Variants in SEMA6D observed in about 807,000 individuals in gnomAD.
SEMA6D encodes the protein semaphorin 6D.
Under a neutral mutation model 106.6 loss-of-function variants are expected in SEMA6D, and 35 were observed. The observed-to-expected ratio is 0.33, with a 90% CI of 0.25 to 0.44. SEMA6D has a LOEUF of 0.44. Among genes scored for constraint, SEMA6D ranks in the 20% least tolerant of loss-of-function variants. The pLI is 1.00. For synonymous variants in SEMA6D, 499 were observed against 487.7 expected, an observed-to-expected ratio of 1.02 and a Z score of -0.31; for missense variants, 1,185 against 1,345.9, an observed-to-expected ratio of 0.88 and a Z score of 1.87.
At chr15:47,453,344 G>A (rs886164755) in intron 2 of SEMA6D, among the ~76,000 whole-genome samples, 9 of 149,960 alleles carry the variant, frequency 6.0e-5, no homozygotes, top group Admixed American at 3.3e-4. Flanking sequence ...AATTTCTATC[G>A]CTTAAAGAAC....
intron 1 of SEMA6D, among the ~76,000 whole-genome samples, chr15:47,349,543 T>A (rs963848850): frequency 6.6e-6 from 1 of 152,124 alleles, no homozygotes; most frequent in Non-Finnish European, 1.5e-5. Flanking sequence ...GGCCTTTGTC[T>A]GATTGTTTTA....
At chr15:47,325,360 ACGAGGTTTG>A (rs1377172071) in intron 1 of SEMA6D, among the ~76,000 whole-genome samples, 14 of 151,920 alleles carry the variant, frequency 9.2e-5, no homozygotes, top group Non-Finnish European at 2.1e-4. Context: ...TTTAGTAGAG[ACGAGGTTTG>A]GTCATGTTGG....
At chr15:47,184,875 T>A (rs534187731) in intron 1 of SEMA6D, among the ~76,000 whole-genome samples, 2 of 152,326 alleles carry the variant, frequency 1.3e-5, no homozygotes, top group South Asian at 4.1e-4. Context: ...GCTGCCCCGC[T>A]TTTTTTATTT....
intron 1 of SEMA6D, among the ~76,000 whole-genome samples, chr15:47,216,285 G>A (rs2030589476): frequency 6.6e-6 from 1 of 152,120 alleles, no homozygotes; most frequent in Admixed American, 6.6e-5. Context: ...TTGACAGACT[G>A]TGGTTTTGAA....
chr15:47,646,242 T>A (rs556451061), intron 4 of SEMA6D, among the ~76,000 whole-genome samples: 2 of 152,246 alleles, frequency 1.3e-5, no homozygotes, highest in African/African-American at 4.8e-5. Context: ...TTCATTAGCA[T>A]ACAAAAGATA....
intron 1 of SEMA6D, among the ~76,000 whole-genome samples, chr15:47,193,880 G>T (rs890156256): frequency 6.6e-6 from 1 of 151,952 alleles, no homozygotes; most frequent in African/African-American, 2.4e-5. Flanking sequence ...CTCTTTAATA[G>T]ACCTTATCTC....
At chr15:47,639,141 G>C (rs1039108400) in intron 4 of SEMA6D, among the ~76,000 whole-genome samples, 2 of 152,158 alleles carry the variant, frequency 1.3e-5, no homozygotes, top group Non-Finnish European at 2.9e-5. Context: ...TCTCTTTAAA[G>C]GGATGACCAC....
At chr15:47,320,289 C>T (rs2036874290) in intron 1 of SEMA6D, among the ~76,000 whole-genome samples, 1 of 152,126 alleles carries the variant, frequency 6.6e-6, no homozygotes, top group African/African-American at 2.4e-5. Flanking sequence ...ACTACAGCAC[C>T]ATCCTCTTGG....
chr15:47,558,765 C>G (rs1201552160), intron 3 of SEMA6D, among the ~76,000 whole-genome samples: 1 of 151,802 alleles, frequency 6.6e-6, no homozygotes, highest in South Asian at 2.1e-4. Flanking sequence ...ATGGGTTTCC[C>G]TGGGGATATT....
At chr15:47,496,222 A>G (rs1321275144) in intron 3 of SEMA6D, among the ~76,000 whole-genome samples, 1 of 152,116 alleles carries the variant, frequency 6.6e-6, no homozygotes, top group Non-Finnish European at 1.5e-5. Context: ...GTGATTTTCC[A>G]TGACTTCCGT....
chr15:47,692,801 T>C (rs1183619209), intron 4 of SEMA6D, among the ~76,000 whole-genome samples: 1 of 152,160 alleles, frequency 6.6e-6, no homozygotes, highest in Non-Finnish European at 1.5e-5. Flanking sequence ...CATTCTAGTA[T>C]CTAGCAGCTC....
At chr15:47,429,236 G>T (rs1214217574) in intron 2 of SEMA6D, among the ~76,000 whole-genome samples, 1 of 152,032 alleles carries the variant, frequency 6.6e-6, no homozygotes, top group African/African-American at 2.4e-5. Flanking sequence ...CCAACTCCTG[G>T]CTCTGCTGCT....
chr15:47,244,121 AG>A (rs1450998444), intron 1 of SEMA6D, among the ~76,000 whole-genome samples: 2 of 152,092 alleles, frequency 1.3e-5, no homozygotes, highest in African/African-American at 4.8e-5. Context: ...CAGTAACCAA[AG>A]GAAAATGAAC....
chr15:47,565,880 C>A (rs2046217117), intron 3 of SEMA6D, among the ~76,000 whole-genome samples: 1 of 152,198 alleles, frequency 6.6e-6, no homozygotes, highest in South Asian at 2.1e-4. Flanking sequence ...CCCTTCACTT[C>A]TGGTGTTTCT....
intron 1 of SEMA6D, among the ~76,000 whole-genome samples, chr15:47,749,068 ATCTTTTTTTT>A (rs2081289953): frequency 1.5e-5 from 2 of 132,048 alleles, no homozygotes; most frequent in Non-Finnish European, 3.1e-5. Context: ...ATAGTTGTAA[ATCTTTTTTTT>A]TCTTTTTTTT....
intron 1 of SEMA6D, among the ~76,000 whole-genome samples, chr15:47,315,191 TAGG>T (rs1479138713): frequency 2.0e-5 from 3 of 152,188 alleles, no homozygotes; most frequent in South Asian, 2.1e-4. Flanking sequence ...TGTTATTTTC[TAGG>T]AGTTTTATAA....
intron 3 of SEMA6D, among the ~76,000 whole-genome samples, chr15:47,500,145 A>G (rs1174601382): frequency 6.6e-6 from 1 of 152,148 alleles, no homozygotes; most frequent in Non-Finnish European, 1.5e-5. Flanking sequence ...CTGATGAAAT[A>G]TAAGACTTTT....
At chr15:47,594,234 C>T (rs529833809) in intron 3 of SEMA6D, among the ~76,000 whole-genome samples, 2 of 152,196 alleles carry the variant, frequency 1.3e-5, no homozygotes, top group South Asian at 4.1e-4. Context: ...CAAACTTCCT[C>T]CTTTAAGAAG....
chr15:47,354,376 TATATATATATGGA>T lies in SEMA6D; in HGVS notation c.-238-58006_-238-57994del, dbSNP rs1294949995. Among the ~76,000 whole-genome samples the T allele has an allele frequency of 1.0e-4, 11 of 107,742 alleles. No homozygotes were observed. In the East Asian group the frequency reaches 1.4e-3, roughly 14 times the overall value. 70.7% of individuals were successfully genotyped at this position (107,742 alleles called of 152,430 possible). On this transcript the variant is annotated intron_variant, in intron 1 of 19. Coordinates refer to the SEMA6D transcript ENST00000558014. ...TATATATGGAATGTGAAAGCTTATA[TATATATATATGGA>T]ATATATATATATGGAATGAGAGAGC...
Sources: gnomAD v4.1 joint callset for allele counts (sites outside exome capture counted in the v4.1 genomes callset) on GRCh38, gnomAD v4.1.1 for gene constraint, MANE v1.5 for transcripts, NCBI Gene and HGNC (gene_info 2026-07-23, HGNC 2026-07-21) for gene names.